DNMBP: variants seen among roughly 807,000 people sequenced by gnomAD.
DNMBP encodes the protein dynamin-binding protein.
A neutral mutation model predicts 150.0 loss-of-function variants in DNMBP; 87 were observed. The observed-to-expected ratio is 0.58, with a 90% CI of 0.49 to 0.69. The LOEUF is 0.69. Among genes scored for constraint, DNMBP ranks in the 30% least tolerant of loss-of-function variants. The probability of loss-of-function intolerance (pLI) is 0.00; values close to 1 mark genes in which losing one functional copy is unlikely to be tolerated. For synonymous variants in DNMBP, 711 were observed against 750.4 expected, an observed-to-expected ratio of 0.95 and a Z score of 0.86; for missense variants, 1,774 against 1,949.0, an observed-to-expected ratio of 0.91 and a Z score of 1.69.
At chr10:100,004,223 T>G (rs2133393135) in intron 1 of DNMBP, among the ~76,000 whole-genome samples, 1 of 151,460 alleles carries the variant, frequency 6.6e-6, no homozygotes, top group East Asian at 1.9e-4. Flanking sequence ...CCAGCCTGGG[T>G]AACAGAGTGA....
intron 4 of DNMBP, among the ~76,000 whole-genome samples, chr10:99,929,204 G>T (rs1375755506): frequency 6.6e-6 from 1 of 151,190 alleles, no homozygotes; most frequent in African/African-American, 2.4e-5. Flanking sequence ...CCAAAGAAGT[G>T]TAGAGACTGA....
At chr10:99,936,140 C>T (rs2040227720) in intron 4 of DNMBP, among the ~76,000 whole-genome samples, 2 of 152,034 alleles carry the variant, frequency 1.3e-5, no homozygotes, top group African/African-American at 4.8e-5. Flanking sequence ...ATCAGATAAT[C>T]AAGAGTTTGT....
chr10:100,003,219 C>G (rs910133750), intron 1 of DNMBP, among the ~76,000 whole-genome samples: 2 of 152,164 alleles, frequency 1.3e-5, no homozygotes, highest in African/African-American at 4.8e-5. Flanking sequence ...TGGTGGCACA[C>G]ACCGGTAGCC....
At chr10:99,930,917 G>A (rs762287333) in intron 4 of DNMBP, 130 of 533,762 alleles carry the variant, frequency 2.4e-4, no homozygotes, top group Middle Eastern at 4.3e-4. Flanking sequence ...TAGTCGGAGC[G>A]CAGTGAGATG....
chr10:99,991,161 C>T (rs2040886895), intron 1 of DNMBP, among the ~76,000 whole-genome samples: 1 of 151,860 alleles, frequency 6.6e-6, no homozygotes, highest in South Asian at 2.1e-4. Flanking sequence ...TCACTGCAAC[C>T]TCTGCCTCCC....
At chr10:99,888,769 A>C (rs1477636242) in intron 12 of DNMBP, 56 bp downstream of exon 12, 1 of 1,606,958 alleles carries the variant, frequency 6.2e-7, no homozygotes, top group African/African-American at 1.3e-5. Context: ...GCATGAGCTG[A>C]TGTATTTGAG....
intron 6 of DNMBP, among the ~76,000 whole-genome samples, chr10:99,905,887 T>C (rs2039819180): frequency 1.3e-5 from 2 of 152,176 alleles, no homozygotes; most frequent in South Asian, 4.1e-4. Flanking sequence ...AGAAGATTGC[T>C]TGACCTGGGT....
chr10:99,938,564 T>G (rs2040258791), intron 4 of DNMBP, among the ~76,000 whole-genome samples: 1 of 151,800 alleles, frequency 6.6e-6, no homozygotes, highest in African/African-American at 2.4e-5. Context: ...AAAAAAGAAA[T>G]TATAGTTGGG....
In DNMBP at chr10:99,875,849, G is replaced by T. The variant is rs1356261583; in HGVS notation, c.*1302C>A. ...TTCCAAGATAGGCTTCATAGCTGGG[G>T]AAGATCTTAAGATTCTTGGTCTAAG... On this transcript the variant is annotated 3_prime_UTR_variant, in exon 17 of 17. Transcript: ENST00000324109. 2.0e-5 allele frequency: 3 copies of T among 152,188 alleles called. No individual in the cohort carries two copies. The highest frequency in any genetic ancestry group is 4.4e-5 in the Non-Finnish European group (3 of 68,036). The allele number at this position is 152,188 out of a possible 1,614,324, so 9.4% of individuals were successfully genotyped here.
chr10:99,910,720 G>C (rs573493997), intron 4 of DNMBP, among the ~76,000 whole-genome samples: 1 of 152,280 alleles, frequency 6.6e-6, no homozygotes, highest in South Asian at 2.1e-4. Context: ...AACATGGTGG[G>C]GATAGGTCAA....
chr10:99,995,209 C>T lies in DNMBP; in HGVS notation c.-11+14629G>A, dbSNP rs566625623. On this transcript the variant is annotated intron_variant, in intron 1 of 16. Transcript: ENST00000324109. ...CTGGGACGGCAGACGTGGGCCATCA[C>T]GCTCAGCTAATTTTTGTATTTTTTG... Among the ~76,000 whole-genome samples the T allele has an allele frequency of 1.4e-3, 218 of 152,104 alleles. 1 individual carries two copies. Among genetic ancestry groups the T allele is most frequent in the East Asian group, 1.2e-3 (6 of 5,172 alleles).
chr10:99,915,403 T>TA (rs1198283519), intron 4 of DNMBP, among the ~76,000 whole-genome samples: 1 of 118,424 alleles, frequency 8.4e-6, no homozygotes, highest in Non-Finnish European at 1.8e-5. Flanking sequence ...AACAAAATAA[T>TA]TAAAAAAAAA....
At position 99,972,081 on chromosome 10, in the gene DNMBP, G is replaced by A. The variant is rs2040683795; in HGVS notation, c.44C>T (p.Pro15Leu). The A allele has an allele frequency of 6.2e-7, 1 of 1,613,696 alleles. No homozygotes were observed. The highest frequency in any genetic ancestry group is 1.3e-5 in the African/African-American group (1 of 74,822). ...SVVRAIFDFCPSVSEELPLFV... is the reference protein window; with the variant it reads ...SVVRAIFDFCLSVSEELPLFV... ...GAGCGGCAGTTCTTCTGATACGCTAGGGCAGAAGTCAAAAATGGCTCGAAC... is the reference window on the plus strand; with the variant it reads ...GAGCGGCAGTTCTTCTGATACGCTAAGGCAGAAGTCAAAAATGGCTCGAAC... Residue 15 changes from proline to leucine, a missense_variant, in exon 2 of 17, where the codon CCT becomes CTT. By Grantham distance (98) the Pro-to-Leu change is moderately conservative (BLOSUM62 -3). This residue lies in a region of DNMBP where 344 missense variants were observed against 456.6 expected (regional missense o/e 0.75). Transcript: ENST00000324109.
chr10:99,891,855 C>G (rs2039570000), intron 11 of DNMBP, among the ~76,000 whole-genome samples: 1 of 151,626 alleles, frequency 6.6e-6, no homozygotes, highest in Non-Finnish European at 1.5e-5. Context: ...AGCGCCTCTG[C>G]CCGGCCACGA....
intron 4 of DNMBP, among the ~76,000 whole-genome samples, chr10:99,953,819 A>AAAAAAAAAAAAAAAAAAAAG (rs1229016312): frequency 7.2e-4 from 96 of 133,470 alleles, no homozygotes; most frequent in African/African-American, 1.1e-3. Flanking sequence ...GTCTCAAAAA[A>AAAAAAAAAAAAAAAAAAAAG]AAAAAGAAAA....
At position 99,880,259 on chromosome 10, in the gene DNMBP, T is replaced by G. The variant is rs369418420; in HGVS notation, c.4100A>C (p.His1367Pro). Residue 1367 changes from histidine (H) to proline (P), a missense_variant, in exon 16 of 17, where the codon CAC becomes CCC. Physicochemically the swap from His to Pro is moderately conservative, Grantham distance 77. Transcript: ENST00000324109. The stretch of plus-strand genomic sequence containing the variant: ...TGGGAACCTGGGGGAGGAGCTGCCG[T>G]GCTCAGACTCTGTGGAGGAGTGGCT... ...VGSHSSTESE[H>P]GSSSPRFPRQ... is the part of the protein sequence containing the mutation. 1.3e-5 allele frequency: 21 copies of G among 1,613,954 alleles called. No individual in the cohort carries two copies. In the Admixed American group the frequency reaches 2.0e-4, roughly 15 times the overall value.
intron 4 of DNMBP, among the ~76,000 whole-genome samples, chr10:99,928,620 A>C (rs2133280628): frequency 6.6e-6 from 1 of 152,340 alleles, no homozygotes; most frequent in East Asian, 1.9e-4. Context: ...CTACATGATA[A>C]AAGACTCCTA....
At chr10:99,927,424 G>C (rs962121119) in intron 4 of DNMBP, 2 of 152,186 alleles carry the variant, frequency 1.3e-5, no homozygotes. Flanking sequence ...CATTATGAGA[G>C]AGGTATTATC....
intron 4 of DNMBP, among the ~76,000 whole-genome samples, chr10:99,921,864 GAAAAAAAAA>G (rs34344466): frequency 1.7e-4 from 4 of 23,746 alleles, no homozygotes; most frequent in Non-Finnish European, 2.9e-4. Context: ...GATTCCATCT[GAAAAAAAAA>G]AAAAAAAAAA....
Sources: gnomAD v4.1 joint callset for allele counts (sites outside exome capture counted in the v4.1 genomes callset) on GRCh38, gnomAD v4.1.1 for gene constraint, gnomAD v4.1.1 regional missense constraint, MANE v1.5 for transcripts, NCBI Gene and HGNC (gene_info 2026-07-23, HGNC 2026-07-21) for gene names.